FRMD3: variants seen among roughly 807,000 people sequenced by gnomAD.
FRMD3 encodes FERM domain-containing protein 3.
Under a neutral mutation model 70.2 loss-of-function variants are expected in FRMD3, and 33 were observed. The ratio of observed to expected loss-of-function variants is 0.47; its 90% CI spans 0.36 to 0.63. The LOEUF (loss-of-function observed/expected upper bound fraction) is 0.63. Ranked by LOEUF, FRMD3 falls within the 20% of genes least tolerant of loss-of-function variation. The pLI is 0.00. For missense variants in FRMD3, 632 were observed against 711.4 expected (o/e 0.89, Z 1.27); for synonymous variants, 279 against 255.9 (o/e 1.09, Z -0.86).
intron 1 of FRMD3, among the ~76,000 whole-genome samples, chr9:83,517,802 C>T (rs1305821079): frequency 6.6e-6 from 1 of 152,198 alleles, no homozygotes; most frequent in African/African-American, 2.4e-5. Context: ...ATCAAGTCAG[C>T]TTCATCCCTG....
chr9:83,430,430 A>G (rs1826940331), intron 1 of FRMD3, among the ~76,000 whole-genome samples: 1 of 152,244 alleles, frequency 6.6e-6, no homozygotes, highest in South Asian at 2.1e-4. Context: ...GTAAATGTAT[A>G]TCATGTGGGT....
Position 83,283,259 on chromosome 9 carries a change from G to T in FRMD3, c.1195+7344C>A, listed in dbSNP as rs186990887. 3.3e-5 allele frequency among the ~76,000 whole-genome samples: 5 copies of T among 152,184 alleles called. No homozygotes were observed. The East Asian group carries it at 9.7e-4, about 30-fold the overall frequency. ...AATCCAATAGGTGTTGGCCGGGCGC[G>T]GTGGTTCACGCCTGTAATCCCAGCA... is the stretch of plus-strand genomic sequence containing the variant. On this transcript the variant is annotated intron_variant, in intron 13 of 13. Transcript: ENST00000304195.
intron 3 of FRMD3, among the ~76,000 whole-genome samples, chr9:83,353,927 C>CT (rs148346199): frequency 0.11 from 17,184 of 149,766 alleles, 1,118 homozygotes; most frequent in African/African-American, 0.17. Flanking sequence ...AAAATTTTGT[C>CT]TTTTTTTTTT....
rs536495420 is a variant in FRMD3 at position 83,310,682 on chromosome 9, C to G, written c.774-134G>C. On this transcript the variant is annotated intron_variant, in intron 8 of 13. Transcript: ENST00000304195. The stretch of plus-strand genomic sequence containing the variant: ...ACAAGGTATTATCATTGGTGAAGGT[C>G]TAATGGGCAGTGAAAAGCCTCGAGT... The G allele has an allele frequency of 5.4e-5, 36 of 666,446 alleles. 1 individual carries two copies. In the South Asian group the frequency reaches 6.8e-4, roughly 13 times the overall value. The allele number at this position is 666,446 out of a possible 1,614,324, so 41.3% of individuals were successfully genotyped here.
chr9:83,281,900 A>G (rs929794662), intron 13 of FRMD3, among the ~76,000 whole-genome samples: 2 of 152,228 alleles, frequency 1.3e-5, no homozygotes, highest in Non-Finnish European at 2.9e-5. Context: ...CCTGTCCCGT[A>G]TACACACGAG....
At chr9:83,513,380 T>C (rs1178995045) in intron 1 of FRMD3, among the ~76,000 whole-genome samples, 1 of 152,248 alleles carries the variant, frequency 6.6e-6, no homozygotes, top group Non-Finnish European at 1.5e-5. Flanking sequence ...TGTAGGAAGA[T>C]GATTTACTTT....
At chr9:83,577,237 T>C in the FRMD3 span, among the ~76,000 whole-genome samples, 1 of 151,756 alleles carries the variant, frequency 6.6e-6, no homozygotes. Context: ...AAAATACATA[T>C]GGAAATATAA....
intron 13 of FRMD3, among the ~76,000 whole-genome samples, chr9:83,257,697 T>C (rs1202917414): frequency 6.6e-6 from 1 of 152,070 alleles, no homozygotes; most frequent in Non-Finnish European, 1.5e-5. Context: ...AATACTAAAT[T>C]AGTAAGATTG....
chr9:83,409,650 G>T (rs1322697629), intron 1 of FRMD3, among the ~76,000 whole-genome samples: 1 of 152,246 alleles, frequency 6.6e-6, no homozygotes, highest in Non-Finnish European at 1.5e-5. Context: ...CAGACACTGT[G>T]CTGAGCCATT....
chr9:83,561,958 T>G, the FRMD3 span, among the ~76,000 whole-genome samples: 9 of 152,134 alleles, frequency 5.9e-5, no homozygotes, highest in African/African-American at 2.2e-4. Context: ...TGCCAGAAGC[T>G]CCATGAGGCA....
rs116697710 is a variant in FRMD3 at position 83,485,782 on chromosome 9, T to C, written c.147+52303A>G. On this transcript the variant is annotated intron_variant, in intron 1 of 13. Transcript: ENST00000304195. ...CCAACTTTCAACTCCATTCAGTCAC[T>C]AATGTACTGTGTCATTCACATACAT... is the stretch of plus-strand genomic sequence containing the variant. 2.0e-3 allele frequency among the ~76,000 whole-genome samples: 303 copies of C among 152,330 alleles called. 1 individual carries two copies. Among genetic ancestry groups the C allele is most frequent in the African/African-American group, 7.0e-3 (291 of 41,580 alleles).
Position 83,508,395 on chromosome 9 carries a change from T to C in FRMD3, c.147+29690A>G, listed in dbSNP as rs184432127. 1.1e-3 allele frequency among the ~76,000 whole-genome samples: 166 copies of C among 152,334 alleles called. 1 individual carries two copies. Among genetic ancestry groups the C allele is most frequent in the African/African-American group, 3.8e-3 (157 of 41,572 alleles). ...CATGCTGTACGCACACATATAACTT[T>C]GCATACTTTACTGTATGCACATCCT... is the stretch of plus-strand genomic sequence containing the variant. On this transcript the variant is annotated intron_variant, in intron 1 of 13. Transcript: ENST00000304195.
At chr9:83,479,462 AG>A (rs1828482937) in intron 1 of FRMD3, among the ~76,000 whole-genome samples, 1 of 146,040 alleles carries the variant, frequency 6.8e-6, no homozygotes, top group Non-Finnish European at 1.5e-5. Context: ...GGAGGGAGGA[AG>A]GAAGGAAGGA....
At position 83,490,322 on chromosome 9, in the gene FRMD3, C is replaced by T. The variant is rs556623884; in HGVS notation, c.147+47763G>A. Among the ~76,000 whole-genome samples, 11 of 149,180 alleles carry T rather than the reference C, an allele frequency of 7.4e-5. 1 individual carries two copies. Among genetic ancestry groups the T allele is most frequent in the African/African-American group, 2.8e-4 (11 of 39,988 alleles). ...TTTTATTTTTGGGGACAGAGTCTTGCTTTATTACCCAGGGTGGAGTGCCAA... is the reference window on the plus strand; with the variant it reads ...TTTTATTTTTGGGGACAGAGTCTTGTTTTATTACCCAGGGTGGAGTGCCAA... On this transcript the variant is annotated intron_variant, in intron 1 of 13. Transcript: ENST00000304195.
chr9:83,343,411 A>G (rs1823841809), intron 4 of FRMD3, 124 bp from the exon 5 acceptor site: 2 of 665,194 alleles, frequency 3.0e-6, no homozygotes, highest in Non-Finnish European at 5.4e-6. Context: ...TGGCTTAGAC[A>G]TGCCCAGCCC....
intron 13 of FRMD3, among the ~76,000 whole-genome samples, chr9:83,275,240 C>G (rs1296884722): frequency 6.6e-6 from 1 of 152,168 alleles, no homozygotes; most frequent in African/African-American, 2.4e-5. Context: ...TCTGTGAAAA[C>G]ACTATGCCTG....
intron 1 of FRMD3, among the ~76,000 whole-genome samples, chr9:83,390,943 C>A (rs535435519): frequency 6.6e-6 from 1 of 152,208 alleles, no homozygotes; most frequent in Admixed American, 6.5e-5. Flanking sequence ...AAAGCCACAC[C>A]CTCCAGCAAG....
chr9:83,384,624 G>A (rs1825458494), intron 2 of FRMD3, among the ~76,000 whole-genome samples: 1 of 152,146 alleles, frequency 6.6e-6, no homozygotes, highest in South Asian at 2.1e-4. Flanking sequence ...GATCAGGACT[G>A]AACATGACCT....
chr9:83,542,984 A>T (rs1324967254), upstream of FRMD3, among the ~76,000 whole-genome samples: 1 of 152,140 alleles, frequency 6.6e-6, no homozygotes, highest in Admixed American at 6.5e-5. Context: ...GTAAACAATA[A>T]AACTTCTAGG....
Sources: allele counts gnomAD v4.1 joint callset (sites outside exome capture counted in the v4.1 genomes callset), GRCh38; gene constraint gnomAD v4.1.1; transcripts MANE v1.5; gene names NCBI Gene and HGNC (gene_info 2026-07-23, HGNC 2026-07-21).